The following EPHA7 variants were observed in gnomAD, a reference collection of about 807,000 sequenced individuals.
EPHA7 encodes the protein ephrin type-A receptor 7.
Under a neutral mutation model 112.6 loss-of-function variants are expected in EPHA7, and 25 were observed. That is an observed-to-expected ratio of 0.22 (90% CI 0.16 to 0.31). The LOEUF (loss-of-function observed/expected upper bound fraction) is 0.31, where lower values mean the gene tolerates loss of function less well. EPHA7 is among the 10% of genes least tolerant of loss of function. The pLI, the probability that EPHA7 is intolerant of heterozygous loss-of-function variation, is 1.00. For missense variants in EPHA7, 962 were observed against 1,212.6 expected, an observed-to-expected ratio of 0.79 and a Z score of 3.07; for synonymous variants, 437 against 406.5, an observed-to-expected ratio of 1.07 and a Z score of -0.90.
At position 93,348,379 on chromosome 6, in the gene EPHA7, T is replaced by C. The variant is rs189323628; in HGVS notation, c.1324+8338A>G. Among the ~76,000 whole-genome samples, 31 of 151,960 alleles carry C rather than the reference T, an allele frequency of 2.0e-4. No homozygotes were observed. The East Asian group carries it at 5.6e-3, about 28-fold the overall frequency. On this transcript the variant is annotated intron_variant, in intron 5 of 16. Transcript: ENST00000369303. ...TAAAATAATGTATGAAAAGCTGATATTATGTTCCTAGGTACTAAAGAAAGC... is the reference window on the plus strand; with the variant it reads ...TAAAATAATGTATGAAAAGCTGATACTATGTTCCTAGGTACTAAAGAAAGC...
At chr6:93,297,568 A>G (rs1266334362) in intron 5 of EPHA7, among the ~76,000 whole-genome samples, 1 of 152,144 alleles carries the variant, frequency 6.6e-6, no homozygotes, top group Non-Finnish European at 1.5e-5. Flanking sequence ...ACTATCCCTG[A>G]GGTGCCTGCA....
chr6:93,400,435 T>C (rs1006819315), intron 3 of EPHA7, among the ~76,000 whole-genome samples: 1 of 152,026 alleles, frequency 6.6e-6, no homozygotes, highest in Non-Finnish European at 1.5e-5. Context: ...TATACAAGTG[T>C]TTTTTAGATG....
chr6:93,391,387 A>T (rs937180921), intron 3 of EPHA7, among the ~76,000 whole-genome samples: 1 of 151,978 alleles, frequency 6.6e-6, no homozygotes, highest in East Asian at 1.9e-4. Flanking sequence ...AAAACTGGAA[A>T]ATACTTCCCA....
intron 5 of EPHA7, among the ~76,000 whole-genome samples, chr6:93,292,897 T>C (rs1772454371): frequency 6.6e-6 from 1 of 152,144 alleles, no homozygotes; most frequent in South Asian, 2.1e-4. Context: ...TCTAATTGTT[T>C]GCACTCATTT....
chr6:93,398,879 T>C (rs1308908951), intron 3 of EPHA7, among the ~76,000 whole-genome samples: 1 of 152,186 alleles, frequency 6.6e-6, no homozygotes, highest in Non-Finnish European at 1.5e-5. Context: ...ATGTGCTAAA[T>C]AGTGAACTTT....
chr6:93,390,905 T>C (rs1215507279), intron 3 of EPHA7, among the ~76,000 whole-genome samples: 2 of 151,934 alleles, frequency 1.3e-5, no homozygotes, highest in Non-Finnish European at 2.9e-5. Context: ...CTAAATTGAA[T>C]TGGTTTTAAT....
intron 14 of EPHA7, among the ~76,000 whole-genome samples, chr6:93,251,594 T>C (rs1205409241): frequency 6.9e-6 from 1 of 144,684 alleles, no homozygotes; most frequent in Non-Finnish European, 1.5e-5. Context: ...ATTAAAATAC[T>C]AATGTAAGAA....
chr6:93,351,077 G>T (rs1775668096), intron 5 of EPHA7, among the ~76,000 whole-genome samples: 1 of 151,924 alleles, frequency 6.6e-6, no homozygotes, highest in Non-Finnish European at 1.5e-5. Context: ...GAAATTATTT[G>T]CCCAGCTGCC....
At chr6:93,371,282 G>C (rs1047876131) in intron 3 of EPHA7, among the ~76,000 whole-genome samples, 6 of 151,608 alleles carry the variant, frequency 4.0e-5, no homozygotes, top group Non-Finnish European at 7.4e-5. Flanking sequence ...AAAAAATAAT[G>C]CAACAATACA....
At position 93,264,565 on chromosome 6, in the gene EPHA7, T is replaced by C. The variant is rs777079496; in HGVS notation, c.1742+29A>G. On this transcript the variant is annotated intron_variant, in intron 8 of 16. Coordinates refer to ENST00000369303, the MANE Select transcript of EPHA7 (RefSeq NM_004440.4). ...TTCTTAAAAAACAATACATTTTATG[T>C]TAGAGATTAGAACAACTTTGTGTTC... 7 of 1,394,920 alleles carry C rather than the reference T, an allele frequency of 5.0e-6. No homozygotes were observed. The Admixed American group carries it at 7.4e-5, about 15-fold the overall frequency. 86.4% of individuals were successfully genotyped at this position (1,394,920 alleles called of 1,614,324 possible).
rs373802878 is a variant in EPHA7 at position 93,418,535 on chromosome 6, T to A, written c.97+710A>T. Among the ~76,000 whole-genome samples, 25 of 152,308 alleles carry A rather than the reference T, an allele frequency of 1.6e-4. 1 individual carries two copies. Among genetic ancestry groups the A allele is most frequent in the African/African-American group, 5.3e-4 (22 of 41,586 alleles). On this transcript the variant is annotated intron_variant, in intron 1 of 16. Transcript: ENST00000369303. ...GCCTCCACGGCCCGACCAAGCCCGC[T>A]GGGCTGCCGCTGCCCCCATGACCGC...
At chr6:93,249,453 G>C (rs142470557) in intron 14 of EPHA7, among the ~76,000 whole-genome samples, 1 of 151,896 alleles carries the variant, frequency 6.6e-6, no homozygotes, top group African/African-American at 2.4e-5. Flanking sequence ...GATCAAGCTG[G>C]GAATAAATAA....
chr6:93,301,703 A>T (rs1038659547), intron 5 of EPHA7, among the ~76,000 whole-genome samples: 16 of 152,130 alleles, frequency 1.1e-4, no homozygotes, highest in Admixed American at 9.8e-4. Context: ...TCCTGGGAAA[A>T]CCCTTGCCTC....
In EPHA7 at chr6:93,276,815, T is replaced by A. The variant is rs145492487; in HGVS notation, c.1325-4393A>T. Among the ~76,000 whole-genome samples the A allele has an allele frequency of 6.5e-3, 992 of 152,186 alleles. 7 individuals carry two copies. Among genetic ancestry groups the A allele is most frequent in the African/African-American group, 0.022 (912 of 41,526 alleles). ...AAAAGAACTTAACCAAGATAATGAA[T>A]TTCACTTTGGATTTAAAAAGTCATT... On this transcript the variant is annotated intron_variant, in intron 5 of 16. Coordinates refer to ENST00000369303, the MANE Select transcript of EPHA7 (RefSeq NM_004440.4).
intron 5 of EPHA7, among the ~76,000 whole-genome samples, chr6:93,285,586 C>A (rs983518832): frequency 2.6e-5 from 4 of 151,422 alleles, no homozygotes; most frequent in African/African-American, 4.8e-5. Context: ...AAAACCAAGA[C>A]AAAGAATAAA....
intron 14 of EPHA7, among the ~76,000 whole-genome samples, chr6:93,250,896 T>G (rs77095628): frequency 0.023 from 3,518 of 152,258 alleles, 54 homozygotes; most frequent in African/African-American, 0.046. Flanking sequence ...ACCACTTCTT[T>G]GGCAAATGCT....
In EPHA7 at chr6:93,411,174, T is replaced by A. The variant is rs1456081650; in HGVS notation, c.163-4A>T. ...CCAAACCACTAATTTCTTCCCACTG[T>A]AAAATTTGAAAAAAGGTCATCAGTC... On this transcript the variant is annotated splice_polypyrimidine_tract_variant and splice_region_variant and intron_variant, in intron 2 of 16. Transcript: ENST00000369303. 5 of 1,591,806 alleles carry A rather than the reference T, an allele frequency of 3.1e-6. No homozygotes were observed. The highest frequency in any genetic ancestry group is 3.6e-5 in the Admixed American group (2 of 55,040).
At chr6:93,333,233 A>G (rs936300736) in intron 5 of EPHA7, among the ~76,000 whole-genome samples, 1 of 151,736 alleles carries the variant, frequency 6.6e-6, no homozygotes, top group African/African-American at 2.4e-5. Flanking sequence ...TTTTAAGGCT[A>G]TGTAGTATTC....
intron 5 of EPHA7, among the ~76,000 whole-genome samples, chr6:93,274,681 G>T (rs887043614): frequency 1.3e-5 from 2 of 151,642 alleles, no homozygotes; most frequent in African/African-American, 4.8e-5. Flanking sequence ...CATTTTAAGA[G>T]GGTCAGAAAC....
Sources: gnomAD v4.1 joint callset for allele counts (sites outside exome capture counted in the v4.1 genomes callset) on GRCh38, gnomAD v4.1.1 for gene constraint, MANE v1.5 for transcripts, NCBI Gene and HGNC (gene_info 2026-07-23, HGNC 2026-07-21) for gene names.